Variants in FAM117B observed in about 807,000 individuals in gnomAD.
FAM117B encodes the protein family with sequence similarity 117 member B.
Under a neutral mutation model 52.8 loss-of-function variants are expected in FAM117B, and 22 were observed. The ratio of observed to expected loss-of-function variants is 0.42; its 90% CI spans 0.30 to 0.59. FAM117B has a LOEUF of 0.59. Among genes scored for constraint, FAM117B ranks in the 20% least tolerant of loss-of-function variants. FAM117B has a pLI of 0.22. For missense variants in FAM117B, 678 were observed against 802.6 expected (o/e 0.84, Z 1.88); for synonymous variants, 309 against 324.1 (o/e 0.95, Z 0.50).
chr2:202,761,737 G>C (rs1691892984), intron 7 of FAM117B, among the ~76,000 whole-genome samples: 1 of 152,092 alleles, frequency 6.6e-6, no homozygotes, highest in South Asian at 2.1e-4. Context: ...ATATTGGCCA[G>C]GCTAGTCTCG....
chr2:202,687,556 C>T (rs986667429), intron 1 of FAM117B, among the ~76,000 whole-genome samples: 6 of 152,132 alleles, frequency 3.9e-5, no homozygotes, highest in African/African-American at 1.4e-4. Context: ...ACTACAGGCA[C>T]ATGCCACCAC....
At chr2:202,749,400 C>T (rs147570577) in intron 4 of FAM117B, among the ~76,000 whole-genome samples, 22 of 149,448 alleles carry the variant, frequency 1.5e-4, no homozygotes, top group African/African-American at 3.7e-4. Context: ...TTTGGTTAAA[C>T]GTTTTAAAGC....
chr2:202,699,191 C>CTGAGGTGGGCGGATCACCTGAGG (rs1690757602), intron 2 of FAM117B, among the ~76,000 whole-genome samples: 2 of 151,928 alleles, frequency 1.3e-5, no homozygotes, highest in Non-Finnish European at 2.9e-5. Context: ...CTTTGGGAGG[C>CTGAGGTGGGCGGATCACCTGAGG]TGAGGTGGGC....
intron 2 of FAM117B, among the ~76,000 whole-genome samples, chr2:202,703,592 G>C (rs1254633244): frequency 6.6e-6 from 1 of 152,170 alleles, no homozygotes; most frequent in Non-Finnish European, 1.5e-5. Flanking sequence ...CTGGCCCCAA[G>C]AGATGTCCAC....
intron 4 of FAM117B, among the ~76,000 whole-genome samples, chr2:202,745,952 A>G (rs1381006090): frequency 6.6e-6 from 1 of 152,246 alleles, no homozygotes; most frequent in Non-Finnish European, 1.5e-5. Flanking sequence ...TATAATGCAA[A>G]CAGTGTTAGA....
chr2:202,726,564 G>A (rs920502680), intron 4 of FAM117B, among the ~76,000 whole-genome samples: 2 of 152,082 alleles, frequency 1.3e-5, no homozygotes, highest in Admixed American at 6.6e-5. Flanking sequence ...CCTAAGATAC[G>A]ACTTCTAGGA....
rs578258182 is a variant in FAM117B, at chr2:202,722,200, C to T, written c.754-2717C>T. Among the ~76,000 whole-genome samples, 366 of 151,438 alleles carry T rather than the reference C, an allele frequency of 2.4e-3. 2 individuals carry two copies. The highest frequency in any genetic ancestry group is 8.3e-3 in the African/African-American group (344 of 41,270). ...TAATTTTTTGTACTTTTTGTAGAGA[C>T]GGGGTTTCACTATGTTGGCCAGGCT... On this transcript the variant is annotated intron_variant, in intron 2 of 7. Transcript: ENST00000392238.
chr2:202,668,609 G>A (rs1690246726), intron 1 of FAM117B, among the ~76,000 whole-genome samples: 1 of 140,872 alleles, frequency 7.1e-6, no homozygotes, highest in Non-Finnish European at 1.5e-5. Flanking sequence ...TACAGAGTGA[G>A]ATCTTGTTCC....
rs1474663036 is a variant in FAM117B at position 202,769,534 on chromosome 2, ATTTT to A, written c.*3774_*3777del. 1 of 152,550 alleles carries A rather than the reference ATTTT, an allele frequency of 6.6e-6. No homozygotes were observed. Among genetic ancestry groups the A allele is most frequent in the Non-Finnish European group, 1.5e-5 (1 of 68,020 alleles). The allele number at this position is 152,550 out of a possible 1,614,324, so 9.4% of individuals were successfully genotyped here. A position where few individuals can be genotyped will look rare whatever the true frequency, so the allele number is the denominator to read the frequency against. On this transcript the variant is annotated 3_prime_UTR_variant, in exon 8 of 8. Transcript: ENST00000392238. ...TTATACAGTCTTGTTTAAGAATAGA[ATTTT>A]TTTAACTCTTCATTTTTTGTCTCTG...
Position 202,769,101 on chromosome 2 carries a change from AATACTT to A in FAM117B, c.*3340_*3345del, listed in dbSNP as rs1262240916. The stretch of plus-strand genomic sequence containing the variant: ...AATTTGTTTTATATTTCTTATACTT[AATACTT>A]ATGACTACAGTCCAAATCAGTCTTT... On this transcript the variant is annotated 3_prime_UTR_variant, in exon 8 of 8. Transcript: ENST00000392238. 6.6e-6 allele frequency: 1 copy of A among 152,120 alleles called. No individual in the cohort carries two copies. The highest frequency in any genetic ancestry group is 1.5e-5 in the Non-Finnish European group (1 of 68,036). 9.4% of individuals were successfully genotyped at this position (152,120 alleles called of 1,614,324 possible).
rs138606169 is a variant in FAM117B at position 202,689,191 on chromosome 2, A to C, written c.602-6690A>C. On this transcript the variant is annotated intron_variant, in intron 1 of 7. Coordinates refer to ENST00000392238, the MANE Select transcript of FAM117B (RefSeq NM_173511.4). ...CACAGTGGCCCACACCTGTAATCCC[A>C]GCACTTTGGGAGCTTGAGGTGGGTG... Among the ~76,000 whole-genome samples, 699 of 152,320 alleles carry C rather than the reference A, an allele frequency of 4.6e-3. 2 individuals carry two copies. The highest frequency in any genetic ancestry group is 0.014 in the South Asian group (66 of 4,830).
chr2:202,719,575 A>T (rs1691117345), intron 2 of FAM117B, among the ~76,000 whole-genome samples: 1 of 152,124 alleles, frequency 6.6e-6, no homozygotes, highest in Admixed American at 6.5e-5. Flanking sequence ...ACTCTTCTTA[A>T]CTATTTCAGC....
chr2:202,761,482 A>G (rs971027203), intron 7 of FAM117B, among the ~76,000 whole-genome samples: 4 of 152,110 alleles, frequency 2.6e-5, no homozygotes, highest in African/African-American at 9.7e-5. Context: ...AACATAAGAT[A>G]AACCCTAACA....
chr2:202,696,415 T>TA (rs1014899304), intron 2 of FAM117B, among the ~76,000 whole-genome samples: 1 of 152,024 alleles, frequency 6.6e-6, no homozygotes, highest in Non-Finnish European at 1.5e-5. Flanking sequence ...CTAATGAGCT[T>TA]AAAAAAAATT....
At chr2:202,684,970 A>T (rs573895057) in intron 1 of FAM117B, among the ~76,000 whole-genome samples, 1 of 152,066 alleles carries the variant, frequency 6.6e-6, no homozygotes, top group Non-Finnish European at 1.5e-5. Context: ...AAGGTAAACC[A>T]CATGATTATC....
At chr2:202,752,516 A>G (rs1266354089) in intron 4 of FAM117B, among the ~76,000 whole-genome samples, 1 of 152,088 alleles carries the variant, frequency 6.6e-6, no homozygotes, top group Non-Finnish European at 1.5e-5. Flanking sequence ...TTATCAGGGA[A>G]TAAAACTGAT....
intron 2 of FAM117B, among the ~76,000 whole-genome samples, chr2:202,697,302 C>T (rs1343470465): frequency 6.6e-6 from 1 of 152,162 alleles, no homozygotes; most frequent in Non-Finnish European, 1.5e-5. Flanking sequence ...TCTGGCTTGT[C>T]TATTGCTGTA....
intron 1 of FAM117B, among the ~76,000 whole-genome samples, chr2:202,649,843 G>A (rs560342459): frequency 2.6e-5 from 4 of 151,856 alleles, no homozygotes; most frequent in African/African-American, 9.7e-5. Flanking sequence ...GTGAACCACC[G>A]TGCTCGGCTT....
chr2:202,699,225 G>A (rs1300959616), intron 2 of FAM117B, among the ~76,000 whole-genome samples: 26 of 151,792 alleles, frequency 1.7e-4, no homozygotes, highest in African/African-American at 6.0e-4. Flanking sequence ...TCAGGAGTTC[G>A]AGACCAGCCT....
Sources: gnomAD v4.1 joint callset for allele counts (sites outside exome capture counted in the v4.1 genomes callset) on GRCh38, gnomAD v4.1.1 for gene constraint, MANE v1.5 for transcripts, NCBI Gene and HGNC (gene_info 2026-07-23, HGNC 2026-07-21) for gene names.